The following WWC2 variants were observed in gnomAD, a reference collection of about 807,000 sequenced individuals.
WWC2 encodes protein WWC2.
A neutral mutation model predicts 138.5 loss-of-function variants in WWC2; 101 were observed. The ratio of observed to expected loss-of-function variants is 0.73; its 90% CI spans 0.62 to 0.86. The LOEUF (loss-of-function observed/expected upper bound fraction) is 0.86, where lower values mean the gene tolerates loss of function less well. WWC2 is among the 40% of genes least tolerant of loss of function. WWC2 has a pLI of 0.00. For missense variants in WWC2, 1,420 were observed against 1,419.4 expected (o/e 1.00, Z -0.01); for synonymous variants, 558 against 538.4 (o/e 1.04, Z -0.50).
intron 1 of WWC2, among the ~76,000 whole-genome samples, chr4:183,136,971 T>C (rs948974526): frequency 6.6e-6 from 1 of 152,026 alleles, no homozygotes; most frequent in Non-Finnish European, 1.5e-5. Flanking sequence ...TACTGAATAC[T>C]GTAGGCAGTT....
At chr4:183,144,630 T>C (rs568234038) in intron 1 of WWC2, among the ~76,000 whole-genome samples, 1 of 152,282 alleles carries the variant, frequency 6.6e-6, no homozygotes, top group South Asian at 2.1e-4. Context: ...CCAGGACTAA[T>C]TGAAATTTTT....
intron 6 of WWC2, among the ~76,000 whole-genome samples, chr4:183,247,856 A>G (rs1361327985): frequency 6.9e-6 from 1 of 145,748 alleles, no homozygotes; most frequent in East Asian, 2.0e-4. Flanking sequence ...AAAATTTCAG[A>G]TCTCTGATAT....
intron 1 of WWC2, among the ~76,000 whole-genome samples, chr4:183,182,669 ATC>A (rs1364642963): frequency 6.6e-6 from 1 of 152,224 alleles, no homozygotes; most frequent in Non-Finnish European, 1.5e-5. Flanking sequence ...TGTCACTTAA[ATC>A]TGTTTTCTGT....
intron 1 of WWC2, among the ~76,000 whole-genome samples, chr4:183,102,493 C>A (rs1743210439): frequency 6.6e-6 from 1 of 152,196 alleles, no homozygotes. Context: ...GAAATTGAGT[C>A]ACAGAGAAGT....
At chr4:183,253,718 T>G in intron 8 of WWC2, 39 bp from the exon 9 acceptor site, 1 of 1,588,766 alleles carries the variant, frequency 6.3e-7, no homozygotes, top group Non-Finnish European at 8.5e-7. Context: ...CTCAGGAGTT[T>G]TAAGTATGTG....
Position 183,245,550 on chromosome 4 carries a change from A to G in WWC2, c.732+5A>G. 1.9e-6 allele frequency: 3 copies of G among 1,573,304 alleles called. No individual in the cohort carries two copies. Among genetic ancestry groups the G allele is most frequent in the Non-Finnish European group, 2.6e-6 (3 of 1,165,600 alleles). ...GAAAAACAAGATCTGATGCAGGTAC[A>G]TTATAAAACATTTTGTTAAGCCAAA... On this transcript the variant is annotated splice_donor_5th_base_variant and intron_variant, in intron 6 of 22. Coordinates refer to ENST00000403733, the MANE Select transcript of WWC2 (RefSeq NM_024949.6).
chr4:183,212,043 G>A (rs567189380), intron 4 of WWC2, among the ~76,000 whole-genome samples: 2 of 152,136 alleles, frequency 1.3e-5, no homozygotes, highest in South Asian at 4.2e-4. Context: ...GGCTGGTTTC[G>A]AACACCTGAC....
At chr4:183,247,614 C>G (rs1359224958) in intron 6 of WWC2, among the ~76,000 whole-genome samples, 2 of 131,778 alleles carry the variant, frequency 1.5e-5, no homozygotes, top group African/African-American at 6.2e-5. Context: ...GCTATATATA[C>G]TATATATACT....
intron 21 of WWC2, among the ~76,000 whole-genome samples, chr4:183,306,881 C>CAAAAAAAAAAAAAAAAAAAAA (rs55750701): frequency 7.0e-5 from 6 of 85,110 alleles, no homozygotes; most frequent in Admixed American, 1.4e-4. Context: ...ATATATGAGG[C>CAAAAAAAAAAAAAAAAAAAAA]AAAAAAAAAA....
chr4:183,252,360 C>G (rs1477382224), intron 8 of WWC2, among the ~76,000 whole-genome samples: 1 of 152,142 alleles, frequency 6.6e-6, no homozygotes, highest in Non-Finnish European at 1.5e-5. Context: ...TCGTTATGGT[C>G]GAAAGAACCA....
chr4:183,122,974 C>T (rs1326744569), intron 1 of WWC2, among the ~76,000 whole-genome samples: 2 of 152,160 alleles, frequency 1.3e-5, no homozygotes, highest in Non-Finnish European at 2.9e-5. Context: ...AATGAAAGAC[C>T]ATTTCATTTC....
chr4:183,128,369 C>A (rs752077695), intron 1 of WWC2, among the ~76,000 whole-genome samples: 1 of 151,888 alleles, frequency 6.6e-6, no homozygotes, highest in Non-Finnish European at 1.5e-5. Context: ...CAAAAATTAG[C>A]CAGGTGTGGT....
chr4:183,164,292 A>ATATATACATATATATAT (rs1734049145), intron 1 of WWC2, among the ~76,000 whole-genome samples: 2 of 296 alleles, frequency 6.8e-3, no homozygotes, highest in African/African-American at 0.011. Context: ...ATATATATAT[A>ATATATACATATATATAT]TATATATACA....
chr4:183,229,368 A>G (rs1736173539), intron 4 of WWC2, among the ~76,000 whole-genome samples: 2 of 152,134 alleles, frequency 1.3e-5, no homozygotes, highest in Admixed American at 1.3e-4. Flanking sequence ...ATCTCCCCTC[A>G]ACTTTGTAGT....
intron 4 of WWC2, among the ~76,000 whole-genome samples, chr4:183,231,082 A>C (rs1736230756): frequency 6.6e-6 from 1 of 152,118 alleles, no homozygotes; most frequent in African/African-American, 2.4e-5. Flanking sequence ...CATATTCATA[A>C]GCAAAGAAGC....
chr4:183,208,897 A>G (rs1432772424), intron 3 of WWC2, 52 bp from the exon 4 acceptor site: 1 of 1,241,418 alleles, frequency 8.1e-7, no homozygotes, highest in Non-Finnish European at 1.1e-6. Context: ...CTAAGCTGAG[A>G]ACTAGTTATG....
chr4:183,120,393 A>G (rs1040740873), intron 1 of WWC2, among the ~76,000 whole-genome samples: 1 of 152,224 alleles, frequency 6.6e-6, no homozygotes, highest in African/African-American at 2.4e-5. Context: ...GCATGTACAC[A>G]GATTGATGCT....
intron 4 of WWC2, among the ~76,000 whole-genome samples, chr4:183,210,893 A>G (rs1449182164): frequency 6.6e-6 from 1 of 152,244 alleles, no homozygotes; most frequent in East Asian, 1.9e-4. Flanking sequence ...TCTTATATGC[A>G]GGGAAATGTG....
At chr4:183,299,509 A>G (rs112788929) in intron 21 of WWC2, among the ~76,000 whole-genome samples, 93 of 152,348 alleles carry the variant, frequency 6.1e-4, no homozygotes, top group African/African-American at 2.1e-3. Context: ...CTGTGGATAC[A>G]TAAACTGTTT....
Sources: allele counts gnomAD v4.1 joint callset (sites outside exome capture counted in the v4.1 genomes callset), GRCh38; gene constraint gnomAD v4.1.1; transcripts MANE v1.5; gene names NCBI Gene and HGNC (gene_info 2026-07-23, HGNC 2026-07-21).